Variants in TNNI3K observed in about 807,000 individuals in gnomAD.
The protein encoded by TNNI3K is serine/threonine-protein kinase TNNI3K.
TNNI3K carries 140 observed loss-of-function variants against 114.5 expected under a neutral mutation model. The observed-to-expected ratio is 1.22, with a 90% CI of 1.07 to 1.41. The LOEUF (loss-of-function observed/expected upper bound fraction) is 1.41. Ranked by LOEUF, TNNI3K falls within the 40% of genes most tolerant of loss-of-function variation. The probability of loss-of-function intolerance (pLI) is 0.00; values close to 1 mark genes in which losing one functional copy is unlikely to be tolerated. For missense variants in TNNI3K, 1,125 were observed against 1,007.6 expected (o/e 1.12, Z -1.58); for synonymous variants, 347 against 347.5 (o/e 1.00, Z 0.02).
chr1:74,381,986 G>A (rs1347119808), intron 17 of TNNI3K, among the ~76,000 whole-genome samples: 7 of 152,200 alleles, frequency 4.6e-5, no homozygotes, highest in African/African-American at 9.6e-5. Context: ...GATGTGTATA[G>A]CACCTATGTG....
At chr1:74,471,294 A>T (rs1181282121) in intron 21 of TNNI3K, 1 of 400,288 alleles carries the variant, frequency 2.5e-6, no homozygotes, top group African/African-American at 2.1e-5. Flanking sequence ...CATAGTTGCT[A>T]CTCTCTGACT....
chr1:74,342,400 C>G (rs1660791342), intron 7 of TNNI3K, among the ~76,000 whole-genome samples: 1 of 152,082 alleles, frequency 6.6e-6, no homozygotes, highest in Non-Finnish European at 1.5e-5. Context: ...GTGTTGTAAA[C>G]ATACAGATTG....
chr1:74,369,323 T>C (rs1414804926), intron 15 of TNNI3K, 59 bp downstream of exon 15: 3 of 1,605,558 alleles, frequency 1.9e-6, no homozygotes, highest in African/African-American at 2.7e-5. Context: ...TTGAGAAGCA[T>C]GTGCATGGCA....
chr1:74,392,950 C>G (rs1350178710), intron 17 of TNNI3K, among the ~76,000 whole-genome samples: 1 of 152,132 alleles, frequency 6.6e-6, no homozygotes, highest in African/African-American at 2.4e-5. Context: ...CATTTTCTGC[C>G]TAAACACAAG....
At chr1:74,537,354 A>G (rs1646672496) in intron 23 of TNNI3K, among the ~76,000 whole-genome samples, 1 of 152,144 alleles carries the variant, frequency 6.6e-6, no homozygotes, top group South Asian at 2.1e-4. Flanking sequence ...GTTGATTGAG[A>G]AAACATTATG....
chr1:74,267,892 C>G (rs528740503), intron 4 of TNNI3K, among the ~76,000 whole-genome samples: 2 of 151,768 alleles, frequency 1.3e-5, no homozygotes, highest in East Asian at 3.9e-4. Context: ...AACAAAGATA[C>G]TTGAAGAAAG....
intron 5 of TNNI3K, among the ~76,000 whole-genome samples, chr1:74,328,409 CG>C (rs3835391): frequency 0.082 from 12,403 of 152,008 alleles, 767 homozygotes; most frequent in African/African-American, 0.17. Context: ...TCTTAGTCCA[CG>C]TGACGGACAA....
intron 5 of TNNI3K, among the ~76,000 whole-genome samples, chr1:74,320,648 T>A (rs530384931): frequency 6.6e-6 from 1 of 152,344 alleles, no homozygotes; most frequent in South Asian, 2.1e-4. Context: ...TTGTTTTATA[T>A]TCCAGCTGCT....
chr1:74,515,769 A>G (rs1646340210), intron 23 of TNNI3K, among the ~76,000 whole-genome samples: 1 of 152,214 alleles, frequency 6.6e-6, no homozygotes, highest in Non-Finnish European at 1.5e-5. Context: ...AAAAATAAGT[A>G]TGATAAAAGC....
chr1:74,279,037 T>A (rs1656846619), intron 5 of TNNI3K, among the ~76,000 whole-genome samples: 1 of 152,194 alleles, frequency 6.6e-6, no homozygotes, highest in African/African-American at 2.4e-5. Flanking sequence ...TACCTGTCTA[T>A]TTTCATTATA....
rs45594233 is a variant in TNNI3K, at chr1:74,524,095, G to A, written c.2352-16139G>A. Among the ~76,000 whole-genome samples the A allele has an allele frequency of 3.6e-3, 556 of 152,336 alleles. 4 individuals are homozygous for A. The highest frequency in any genetic ancestry group is 0.013 in the African/African-American group (536 of 41,568). On this transcript the variant is annotated intron_variant, in intron 23 of 24. Transcript: ENST00000326637. ...ATTGACATTTGTCAAGAGCCTAACT[G>A]TGGCCAGCCACAAACACAGTCCAGT...
intron 5 of TNNI3K, among the ~76,000 whole-genome samples, chr1:74,297,411 A>G (rs1658053280): frequency 6.6e-6 from 1 of 152,098 alleles, no homozygotes; most frequent in African/African-American, 2.4e-5. Context: ...TGGAATTAAG[A>G]AGAGGTAAGA....
intron 17 of TNNI3K, among the ~76,000 whole-genome samples, chr1:74,418,819 G>C (rs1665258626): frequency 6.6e-6 from 1 of 151,614 alleles, no homozygotes; most frequent in African/African-American, 2.4e-5. Context: ...ATGTTTATAG[G>C]ATACCTTCGG....
At chr1:74,350,168 T>C (rs1398645500) in intron 9 of TNNI3K, among the ~76,000 whole-genome samples, 2 of 152,234 alleles carry the variant, frequency 1.3e-5, no homozygotes, top group Non-Finnish European at 2.9e-5. Context: ...TCTGGTATGT[T>C]GTGTCTTTGT....
intron 6 of TNNI3K, among the ~76,000 whole-genome samples, chr1:74,332,610 T>C (rs1012138048): frequency 6.6e-6 from 1 of 152,120 alleles, no homozygotes; most frequent in Non-Finnish European, 1.5e-5. Context: ...TATTTGCCCA[T>C]TCTTATCAAT....
At chr1:74,325,223 T>C (rs543393528) in intron 5 of TNNI3K, among the ~76,000 whole-genome samples, 3 of 152,194 alleles carry the variant, frequency 2.0e-5, no homozygotes, top group Non-Finnish European at 4.4e-5. Context: ...TTTGGAGTTA[T>C]GTCTACACTG....
intron 11 of TNNI3K, among the ~76,000 whole-genome samples, chr1:74,365,368 T>C (rs1273494911): frequency 1.3e-5 from 2 of 152,104 alleles, no homozygotes; most frequent in East Asian, 1.9e-4. Flanking sequence ...AAAGTGCAGA[T>C]TGCTGATGAG....
intron 20 of TNNI3K, among the ~76,000 whole-genome samples, chr1:74,452,074 T>A (rs766866339): frequency 2.0e-5 from 3 of 152,104 alleles, no homozygotes; most frequent in Non-Finnish European, 4.4e-5. Context: ...TAGCATTAAA[T>A]CTCAAAATTC....
At chr1:74,410,347 G>A (rs1664822610) in intron 17 of TNNI3K, among the ~76,000 whole-genome samples, 1 of 152,078 alleles carries the variant, frequency 6.6e-6, no homozygotes, top group Non-Finnish European at 1.5e-5. Flanking sequence ...CACGCAACTA[G>A]TTAATGGCAA....
Sources: allele counts gnomAD v4.1 joint callset (sites outside exome capture counted in the v4.1 genomes callset), GRCh38; gene constraint gnomAD v4.1.1; transcripts MANE v1.5; gene names NCBI Gene and HGNC (gene_info 2026-07-23, HGNC 2026-07-21).